Variants in DNAH12 observed in about 807,000 individuals in gnomAD.
The protein encoded by DNAH12 is axonemal beta dynein heavy chain 12.
A neutral mutation model predicts 371.5 loss-of-function variants in DNAH12; 285 were observed. The ratio of observed to expected loss-of-function variants is 0.77; its 90% CI spans 0.70 to 0.85. DNAH12 has a LOEUF of 0.85. DNAH12 is among the 40% of genes least tolerant of loss of function. The probability of loss-of-function intolerance (pLI) is 0.00; values close to 1 mark genes in which losing one functional copy is unlikely to be tolerated. For missense variants in DNAH12, 3,611 were observed against 3,689.4 expected (o/e 0.98, Z 0.55); for synonymous variants, 1,200 against 1,213.0 (o/e 0.99, Z 0.22).
intron 8 of DNAH12, among the ~76,000 whole-genome samples, chr3:57,505,740 C>T (rs1248905371): frequency 1.3e-5 from 2 of 151,762 alleles, no homozygotes; most frequent in Admixed American, 6.6e-5. Flanking sequence ...TGCGCCGAGC[C>T]TGTTTCTGTT....
intron 22 of DNAH12, among the ~76,000 whole-genome samples, chr3:57,456,878 C>T (rs2065916756): frequency 6.6e-6 from 1 of 152,168 alleles, no homozygotes; most frequent in Admixed American, 6.5e-5. Flanking sequence ...CCCCTCCTTA[C>T]CCTTGTACTC....
intron 2 of DNAH12, among the ~76,000 whole-genome samples, chr3:57,529,359 A>G (rs1307508955): frequency 1.3e-5 from 2 of 152,130 alleles, no homozygotes. Context: ...CAGTGAAGCC[A>G]TAAGGGCCTG....
chr3:57,300,739 CT>C (rs753145417), intron 70 of DNAH12, among the ~76,000 whole-genome samples: 1 of 152,068 alleles, frequency 6.6e-6, no homozygotes, highest in Non-Finnish European at 1.5e-5. Flanking sequence ...TGAAAGAAAG[CT>C]TTTGTGCAAT....
chr3:57,343,639 G>C (rs949100877), intron 60 of DNAH12, among the ~76,000 whole-genome samples: 4 of 152,162 alleles, frequency 2.6e-5, no homozygotes, highest in Admixed American at 6.5e-5. Flanking sequence ...CCTGTAAAGG[G>C]TCTGTGCTGA....
chr3:57,525,154 C>CAAAAAAAAAAAAAAA, intron 2 of DNAH12, among the ~76,000 whole-genome samples: 1 of 109,474 alleles, frequency 9.1e-6, no homozygotes, highest in Non-Finnish European at 1.9e-5. Flanking sequence ...AGAGGAGAAA[C>CAAAAAAAAAAAAAAA]AAAAAAAAAA....
chr3:57,503,131 T>TTA (rs1217978717), intron 9 of DNAH12, among the ~76,000 whole-genome samples: 1 of 152,210 alleles, frequency 6.6e-6, no homozygotes, highest in Admixed American at 6.5e-5. Flanking sequence ...CACATGCCTA[T>TTA]TGTCCCAGCT....
chr3:57,512,717 C>T (rs1391188136), intron 4 of DNAH12, among the ~76,000 whole-genome samples: 1 of 152,192 alleles, frequency 6.6e-6, no homozygotes, highest in South Asian at 2.1e-4. Flanking sequence ...ACTGGGAATA[C>T]ACCCAAAGAA....
At chr3:57,361,077 C>T (rs1038795068) in intron 58 of DNAH12, among the ~76,000 whole-genome samples, 3 of 151,912 alleles carry the variant, frequency 2.0e-5, no homozygotes, top group African/African-American at 4.8e-5. Context: ...GGGCCGGGCA[C>T]GGTGACTCAC....
At chr3:57,399,866 C>T (rs994866039) in intron 43 of DNAH12, among the ~76,000 whole-genome samples, 3,608 of 152,218 alleles carry the variant, frequency 0.024, 66 homozygotes, top group Admixed American at 0.035. Context: ...TTTTATCTGG[C>T]GTACTTTATT....
At chr3:57,496,744 G>A (rs566284846) in intron 11 of DNAH12, among the ~76,000 whole-genome samples, 28 of 152,248 alleles carry the variant, frequency 1.8e-4, no homozygotes, top group Admixed American at 1.1e-3. Context: ...CAAGGTGGGC[G>A]GATCACCTGA....
chr3:57,491,381 G>A (rs1225712083), intron 11 of DNAH12, among the ~76,000 whole-genome samples: 1 of 152,036 alleles, frequency 6.6e-6, no homozygotes, highest in African/African-American at 2.4e-5. Flanking sequence ...GTTTTGCAAA[G>A]TTCTCTTTCT....
At chr3:57,415,854 T>C (rs1346853396) in intron 37 of DNAH12, among the ~76,000 whole-genome samples, 1 of 150,780 alleles carries the variant, frequency 6.6e-6, no homozygotes, top group Admixed American at 6.6e-5. Flanking sequence ...AGTGACGTGA[T>C]CTTGGCTCAC....
chr3:57,404,582 T>C (rs1012110584), intron 42 of DNAH12, among the ~76,000 whole-genome samples: 2 of 152,024 alleles, frequency 1.3e-5, no homozygotes, highest in African/African-American at 4.8e-5. Context: ...TAGCCAGGCA[T>C]GCCGGCGCAT....
chr3:57,412,778 T>G (rs1330058361), intron 39 of DNAH12, among the ~76,000 whole-genome samples: 1 of 152,154 alleles, frequency 6.6e-6, no homozygotes, highest in Non-Finnish European at 1.5e-5. Context: ...TCTAGAACAC[T>G]GACAATACCA....
Position 57,457,769 on chromosome 3 carries a change from T to C in DNAH12, c.3288A>G (p.Glu1096=). ...GAVEKWLIQV[E]DLMLRSVHDV... ...CGTGAACACTCCGGAGCATTAGGTC[T>C]TCCACTTGAATGAGCCACTTTTCCA... The change falls in exon 22 of 74, where the codon GAA becomes GAG. Residue 1096 remains glutamate, a synonymous_variant. Transcript: ENST00000495027. The C allele has an allele frequency of 6.4e-7, 1 of 1,551,618 alleles. No individual in the cohort carries two copies. The highest frequency in any genetic ancestry group is 8.7e-7 in the Non-Finnish European group (1 of 1,146,976).
At chr3:57,444,895 G>T in intron 28 of DNAH12, 79 bp from the exon 29 acceptor site, 1 of 971,050 alleles carries the variant, frequency 1.0e-6, no homozygotes, top group Non-Finnish European at 1.3e-6. Context: ...TCCCAGCCCC[G>T]GCCTGCCCCA....
chr3:57,368,412 A>G (rs2063096825), intron 55 of DNAH12, among the ~76,000 whole-genome samples, 152 bp from the exon 56 acceptor site: 1 of 152,114 alleles, frequency 6.6e-6, no homozygotes, highest in Non-Finnish European at 1.5e-5. Context: ...TGAGAAAAAA[A>G]TGAAAAGGAG....
chr3:57,350,142 T>TG (rs1364118072), intron 60 of DNAH12, among the ~76,000 whole-genome samples: 4 of 152,028 alleles, frequency 2.6e-5, no homozygotes, highest in Admixed American at 2.6e-4. Context: ...GGAGAAAGTG[T>TG]GGGGGGTGGA....
At chr3:57,415,721 G>A (rs1434608794) in intron 37 of DNAH12, among the ~76,000 whole-genome samples, 157 bp from the exon 38 acceptor site, 2 of 151,504 alleles carry the variant, frequency 1.3e-5, no homozygotes, top group Admixed American at 6.6e-5. Context: ...ACAGATAAAA[G>A]TAATGATTGG....
Sources: allele counts gnomAD v4.1 joint callset (sites outside exome capture counted in the v4.1 genomes callset), GRCh38; gene constraint gnomAD v4.1.1; transcripts MANE v1.5; gene names NCBI Gene and HGNC (gene_info 2026-07-23, HGNC 2026-07-21).